Variants in RFTN1 observed in about 807,000 individuals in gnomAD.
RFTN1 encodes raftlin, lipid raft linker 1.
RFTN1 carries 26 observed loss-of-function variants against 46.5 expected under a neutral mutation model. The ratio of observed to expected loss-of-function variants is 0.56; its 90% CI spans 0.41 to 0.78. The LOEUF (loss-of-function observed/expected upper bound fraction) is 0.78. Ranked by LOEUF, RFTN1 falls within the 30% of genes least tolerant of loss-of-function variation. The pLI is 0.00. For synonymous variants in RFTN1, 261 were observed against 284.2 expected (o/e 0.92, Z 0.82); for missense variants, 693 against 718.7 (o/e 0.96, Z 0.41).
At chr3:16,395,246 CTT>C (rs2074439899) in intron 4 of RFTN1, among the ~76,000 whole-genome samples, 1 of 152,142 alleles carries the variant, frequency 6.6e-6, no homozygotes, top group Non-Finnish European at 1.5e-5. Context: ...GCATATATGC[CTT>C]ATATTGCTCT....
Position 16,483,175 on chromosome 3 carries a change from T to A in RFTN1, c.145+10550A>T, listed in dbSNP as rs1400397805. 6.6e-6 allele frequency among the ~76,000 whole-genome samples: 1 copy of A among 152,182 alleles called. No homozygotes were observed. The highest frequency in any genetic ancestry group is 2.1e-4 in the South Asian group (1 of 4,832). On this transcript the variant is annotated intron_variant, in intron 2 of 9. Transcript: ENST00000334133. This position sits in a 1 kb window ranked among gnomAD's most constrained non-coding sequence, Gnocchi z 4.8. ...TATTTACAGAGAGGTAATAAATACCTCATTAAGGAAAGGCAAAACAAACAC... is the reference window on the plus strand; with the variant it reads ...TATTTACAGAGAGGTAATAAATACCACATTAAGGAAAGGCAAAACAAACAC...
At chr3:16,392,154 CTT>C (rs1344373166) in intron 4 of RFTN1, among the ~76,000 whole-genome samples, 3 of 152,086 alleles carry the variant, frequency 2.0e-5, no homozygotes, top group Admixed American at 6.5e-5. Context: ...GGACCTGGCT[CTT>C]TGAGTGGGAA....
chr3:16,436,951 TA>T (rs2075528473), intron 2 of RFTN1, among the ~76,000 whole-genome samples: 1 of 152,216 alleles, frequency 6.6e-6, no homozygotes, highest in African/African-American at 2.4e-5. Context: ...CTTGCTCCAC[TA>T]AAAAAGTCTG....
intron 4 of RFTN1, among the ~76,000 whole-genome samples, chr3:16,399,004 T>G (rs971831849): frequency 6.6e-6 from 1 of 152,170 alleles, no homozygotes; most frequent in Non-Finnish European, 1.5e-5. Context: ...GAGCTAACAA[T>G]AGGCCACTTG....
At chr3:16,397,474 TGA>T (rs1442728616) in intron 4 of RFTN1, among the ~76,000 whole-genome samples, 1 of 152,202 alleles carries the variant, frequency 6.6e-6, no homozygotes, top group East Asian at 1.9e-4. Context: ...GGAAATTTGC[TGA>T]GAGATTTTAG....
At chr3:16,487,241 C>T (rs1575360387) in intron 2 of RFTN1, among the ~76,000 whole-genome samples, 1 of 152,380 alleles carries the variant, frequency 6.6e-6, no homozygotes, top group East Asian at 1.9e-4. Context: ...CAAGACATGG[C>T]ATCTGGCCCA....
intron 2 of RFTN1, among the ~76,000 whole-genome samples, chr3:16,444,706 G>A (rs2075695658): frequency 6.6e-6 from 1 of 152,220 alleles, no homozygotes; most frequent in African/African-American, 2.4e-5. Context: ...TAAACAATGT[G>A]GGATGAAAGC....
At position 16,383,708 on chromosome 3, in the gene RFTN1, A is replaced by T. The variant is rs2074071025; in HGVS notation, c.442-5606T>A. Among the ~76,000 whole-genome samples, 1 of 152,230 alleles carries T rather than the reference A, an allele frequency of 6.6e-6. No homozygotes were observed. The highest frequency in any genetic ancestry group is 2.4e-5 in the African/African-American group (1 of 41,454). On this transcript the variant is annotated intron_variant, in intron 4 of 9. Coordinates refer to ENST00000334133, the MANE Select transcript of RFTN1 (RefSeq NM_015150.2). The surrounding 1 kb of genome is among the most constrained non-coding windows in gnomAD (Gnocchi z 4.0). ...AGTATGTGTATCAATCGGGGTGAGAAATCAGAAAGAAGTGAGACACAGGTT... is the reference window on the plus strand; with the variant it reads ...AGTATGTGTATCAATCGGGGTGAGATATCAGAAAGAAGTGAGACACAGGTT...
At position 16,447,997 on chromosome 3, in the gene RFTN1, T is replaced by C. The variant is rs540760986; in HGVS notation, c.146-13960A>G. Among the ~76,000 whole-genome samples, 53 of 152,248 alleles carry C rather than the reference T, an allele frequency of 3.5e-4. No individual in the cohort carries two copies. The Middle Eastern group carries it at 0.01, about 29-fold the overall frequency. On this transcript the variant is annotated intron_variant, in intron 2 of 9. Coordinates refer to ENST00000334133, the MANE Select transcript of RFTN1 (RefSeq NM_015150.2). The surrounding 1 kb of genome is among the most constrained non-coding windows in gnomAD (Gnocchi z 5.9). Reference sequence around the variant, plus strand: ...CTCCTTCTTTTCTCTCTTTTTTCTTTTCTTCCTCCCTTCCATCCAGGGAGC... The same window carrying C: ...CTCCTTCTTTTCTCTCTTTTTTCTTCTCTTCCTCCCTTCCATCCAGGGAGC...
At chr3:16,445,305 GAA>G (rs1232811501) in intron 2 of RFTN1, among the ~76,000 whole-genome samples, 1 of 152,084 alleles carries the variant, frequency 6.6e-6, no homozygotes, top group East Asian at 1.9e-4. Context: ...AAAAGAGAAA[GAA>G]AGAGAGAGAG....
In RFTN1 at chr3:16,433,985, G is replaced by T; in HGVS notation, c.198C>A (p.Pro66=). Residue 66 remains proline, a synonymous_variant, in exon 3 of 10, where the codon CCC becomes CCA. Transcript: ENST00000334133. The surrounding 1 kb of genome is among the most constrained non-coding windows in gnomAD (Gnocchi z 4.4). The part of the protein sequence containing the change: ...AVRLASLRDL[P]AQLLELYQQG... The stretch of plus-strand genomic sequence containing the variant: ...GCTGGTACAGCTCCAGGAGCTGGGC[G>T]GGCAGGTCACGCAGGGAGGCCAGCC... 6.2e-7 allele frequency: 1 copy of T among 1,613,414 alleles called. No individual in the cohort carries two copies.
At position 16,481,360 on chromosome 3, in the gene RFTN1, A is replaced by T. The variant is rs2076364439; in HGVS notation, c.145+12365T>A. 6.6e-6 allele frequency among the ~76,000 whole-genome samples: 1 copy of T among 152,206 alleles called. No homozygotes were observed. Among genetic ancestry groups the T allele is most frequent in the African/African-American group, 2.4e-5 (1 of 41,464 alleles). ...CTCTTCAAACTGTAAGAGCATATTT[A>T]TCTACTTTGAGACATGTTTTATGGG... On this transcript the variant is annotated intron_variant, in intron 2 of 9. Transcript: ENST00000334133. The surrounding 1 kb of genome is among the most constrained non-coding windows in gnomAD (Gnocchi z 5.1).
In RFTN1 at chr3:16,483,775, G is replaced by A. The variant is rs1319100589; in HGVS notation, c.145+9950C>T. 6.6e-6 allele frequency among the ~76,000 whole-genome samples: 1 copy of A among 151,312 alleles called. No homozygotes were observed. Among genetic ancestry groups the A allele is most frequent in the Non-Finnish European group, 1.5e-5 (1 of 67,868 alleles). On this transcript the variant is annotated intron_variant, in intron 2 of 9. Coordinates refer to ENST00000334133, the MANE Select transcript of RFTN1 (RefSeq NM_015150.2). This position sits in a 1 kb window ranked among gnomAD's most constrained non-coding sequence, Gnocchi z 4.8. ...CACTCAAATTAAAAAAAAAAAAATT[G>A]TACTCCACATGATCTTTTAAGGTTC...
chr3:16,467,720 C>T (rs889318183), intron 2 of RFTN1, among the ~76,000 whole-genome samples: 2 of 152,152 alleles, frequency 1.3e-5, no homozygotes, highest in Admixed American at 1.3e-4. Flanking sequence ...ACATCAAAAG[C>T]TTCAGGGGCA....
In RFTN1 at chr3:16,507,139, G is replaced by A. The variant is rs2076821003; in HGVS notation, c.-9+6303C>T. On this transcript the variant is annotated intron_variant, in intron 1 of 9. Transcript: ENST00000334133. This position sits in a 1 kb window ranked among gnomAD's most constrained non-coding sequence, Gnocchi z 7.1. ...TACTTCTAGGGTGAGGACTAAATAA[G>A]GTAGGGTGAGTTACTATTTAACAGG... Among the ~76,000 whole-genome samples, 1 of 152,152 alleles carries A rather than the reference G, an allele frequency of 6.6e-6. No homozygotes were observed. Among genetic ancestry groups the A allele is most frequent in the African/African-American group, 2.4e-5 (1 of 41,440 alleles).
Position 16,484,677 on chromosome 3 carries a change from T to A in RFTN1, c.145+9048A>T, listed in dbSNP as rs1348842506. ...AAAGGTGAATAAATTACCTTTGAAC[T>A]TTTTCATGTTGAAGCCCTTCAATTT... is the stretch of plus-strand genomic sequence containing the variant. On this transcript the variant is annotated intron_variant, in intron 2 of 9. Transcript: ENST00000334133. The surrounding 1 kb of genome is among the most constrained non-coding windows in gnomAD (Gnocchi z 4.6). The A allele has an allele frequency of 6.6e-6, 1 of 152,236 alleles. No individual in the cohort carries two copies. The highest frequency in any genetic ancestry group is 1.5e-5 in the Non-Finnish European group (1 of 68,040). The allele number at this position is 152,236 out of a possible 1,614,324, so 9.4% of individuals were successfully genotyped here.
rs7374660 is a variant in RFTN1 at position 16,449,834 on chromosome 3, G to A, written c.146-15797C>T. Among the ~76,000 whole-genome samples, 22,365 of 152,136 alleles carry A rather than the reference G, an allele frequency of 0.15. 1,829 individuals carry two copies. Among genetic ancestry groups the A allele is most frequent in the East Asian group, 0.27 (1,399 of 5,176 alleles). ...TCCACTACAGGCTGCTGAAGTACTT[G>A]TGGAAAGGGATGTGAGGAGGAAGGG... On this transcript the variant is annotated intron_variant, in intron 2 of 9. Coordinates refer to ENST00000334133, the MANE Select transcript of RFTN1 (RefSeq NM_015150.2). The surrounding 1 kb of genome is among the most constrained non-coding windows in gnomAD (Gnocchi z 5.1).
rs2075740057 is a variant in RFTN1, at chr3:16,446,843, T to G, written c.146-12806A>C. On this transcript the variant is annotated intron_variant, in intron 2 of 9. Coordinates refer to ENST00000334133, the MANE Select transcript of RFTN1 (RefSeq NM_015150.2). The surrounding 1 kb of genome is among the most constrained non-coding windows in gnomAD (Gnocchi z 4.5). ...CTCCTGAGTTATTATCATCAAGGTC[T>G]CGACTCTGTAACAAAATTTCACACT... Among the ~76,000 whole-genome samples, 1 of 152,244 alleles carries G rather than the reference T, an allele frequency of 6.6e-6. No homozygotes were observed. Among genetic ancestry groups the G allele is most frequent in the Non-Finnish European group, 1.5e-5 (1 of 68,048 alleles).
chr3:16,342,054 G>C lies in RFTN1; in HGVS notation c.1147-15178C>G, dbSNP rs922633945. Among the ~76,000 whole-genome samples the C allele has an allele frequency of 6.6e-6, 1 of 151,862 alleles. No homozygotes were observed. On this transcript the variant is annotated intron_variant, in intron 7 of 9. Transcript: ENST00000334133. The surrounding 1 kb of genome is among the most constrained non-coding windows in gnomAD (Gnocchi z 4.0). ...CAACATCTTTATTGATATATAATTG[G>C]ATATCTTAAAATTCACCTATTTAAA...
Sources: gnomAD v4.1 joint callset for allele counts (sites outside exome capture counted in the v4.1 genomes callset) on GRCh38, gnomAD v4.1.1 for gene constraint, Gnocchi (gnomAD v3.1) non-coding constraint, MANE v1.5 for transcripts, NCBI Gene and HGNC (gene_info 2026-07-23, HGNC 2026-07-21) for gene names.